Variants in AKT3 observed in about 807,000 individuals in gnomAD.
The protein encoded by AKT3 is AKT serine/threonine kinase 3, also known as RAC-gamma serine/threonine-protein kinase.
In AKT3, 15 loss-of-function variants were observed where a neutral mutation model predicts 65.3. That is an observed-to-expected ratio of 0.23 (90% CI 0.15 to 0.35). The LOEUF (loss-of-function observed/expected upper bound fraction) is 0.35. AKT3 is among the 10% of genes least tolerant of loss of function. AKT3 has a pLI of 1.00. For synonymous variants in AKT3, 206 were observed against 183.8 expected, an observed-to-expected ratio of 1.12 and a Z score of -0.98; for missense variants, 243 against 576.5, an observed-to-expected ratio of 0.42 and a Z score of 5.92.
intron 4 of AKT3, among the ~76,000 whole-genome samples, chr1:243,663,025 A>G (rs932339587): frequency 3.2e-4 from 49 of 152,206 alleles, no homozygotes; most frequent in Non-Finnish European, 1.3e-4. Context: ...TAAGAATAAC[A>G]TTTTCAAAGA....
intron 2 of AKT3, among the ~76,000 whole-genome samples, chr1:243,795,888 TG>T (rs1186790186): frequency 2.0e-5 from 3 of 152,162 alleles, no homozygotes; most frequent in Non-Finnish European, 2.9e-5. Flanking sequence ...GAGTTGGTAG[TG>T]AAGGGACTCA....
chr1:243,628,005 C>T (rs1316651962), intron 6 of AKT3, among the ~76,000 whole-genome samples: 1 of 152,194 alleles, frequency 6.6e-6, no homozygotes, highest in Non-Finnish European at 1.5e-5. Context: ...GCAACTCAGA[C>T]TGGAGCTTAT....
intron 2 of AKT3, among the ~76,000 whole-genome samples, chr1:243,813,261 T>C (rs1180539104): frequency 6.6e-6 from 1 of 152,064 alleles, no homozygotes; most frequent in Non-Finnish European, 1.5e-5. Context: ...TGCAGTATTC[T>C]CACCAAAAAA....
At chr1:243,849,256 A>T (rs1311650223) in intron 1 of AKT3, among the ~76,000 whole-genome samples, 2 of 152,218 alleles carry the variant, frequency 1.3e-5, no homozygotes, top group Non-Finnish European at 2.9e-5. Context: ...CAGCAGCGAC[A>T]GCATCACTGG....
rs1292068757 is a variant in AKT3 at position 243,492,996 on chromosome 1, C to G, written c.*7-4546G>C. Among the ~76,000 whole-genome samples the G allele has an allele frequency of 3.3e-5, 5 of 152,230 alleles. No individual in the cohort carries two copies. The South Asian group carries it at 1.0e-3, about 32-fold the overall frequency. On this transcript the variant is annotated intron_variant, in intron 13 of 13. Transcript: ENST00000336199. ...TTCGGAAACAACTTCAAGAAAATAG[C>G]TTTTAAATGTCATGAAATGGCTCTT...
intron 3 of AKT3, among the ~76,000 whole-genome samples, chr1:243,680,878 C>G (rs1256305600): frequency 2.6e-5 from 4 of 152,130 alleles, no homozygotes; most frequent in Non-Finnish European, 5.9e-5. Flanking sequence ...CAAAAGTTCT[C>G]AAATACATCT....
intron 2 of AKT3, among the ~76,000 whole-genome samples, chr1:243,701,665 C>CAAAAAAAAAAAAAAAA (rs74162707): frequency 8.0e-6 from 1 of 124,962 alleles, no homozygotes; most frequent in African/African-American, 3.0e-5. Flanking sequence ...AGAAAAAATG[C>CAAAAAAAAAAAAAAAA]AAAAAAAAAA....
At chr1:243,832,267 T>C (rs1210055328) in intron 2 of AKT3, among the ~76,000 whole-genome samples, 3 of 151,902 alleles carry the variant, frequency 2.0e-5, no homozygotes, top group African/African-American at 4.8e-5. Context: ...TTTAAACTAT[T>C]AGTTTCATAC....
At chr1:243,488,888 CAG>C in intron 13 of AKT3, 3 of 1,373,884 alleles carry the variant, frequency 2.2e-6, no homozygotes, top group Non-Finnish European at 3.1e-6. Flanking sequence ...CCTGGCACCT[CAG>C]GGTCACCCTA....
intron 13 of AKT3, among the ~76,000 whole-genome samples, chr1:243,511,126 A>C (rs1669985158): frequency 1.3e-5 from 2 of 152,258 alleles, no homozygotes; most frequent in Non-Finnish European, 2.9e-5. Flanking sequence ...GACCATGAGT[A>C]GCTCACTTCA....
At position 243,626,620 on chromosome 1, in the gene AKT3, TAGGTACAATAGA is replaced by T. The variant is rs376385921; in HGVS notation, c.561+10979_561+10990del. ...GGACTGAAGGCCATATGCACACCTG[TAGGTACAATAGA>T]AGGTAAAAAAGAAACCTTCCAGGGG... On this transcript the variant is annotated intron_variant, in intron 6 of 13. Transcript: ENST00000673466. Among the ~76,000 whole-genome samples the T allele has an allele frequency of 4.7e-3, 711 of 152,288 alleles. 6 individuals carry two copies. The highest frequency in any genetic ancestry group is 0.017 in the African/African-American group (686 of 41,556).
intron 5 of AKT3, among the ~76,000 whole-genome samples, chr1:243,638,684 T>TCTTG: frequency 6.6e-6 from 1 of 152,142 alleles, no homozygotes; most frequent in Non-Finnish European, 1.5e-5. Context: ...AAATATCAAA[T>TCTTG]AAGTATTTGG....
intron 7 of AKT3, among the ~76,000 whole-genome samples, chr1:243,614,526 C>T (rs1010726097): frequency 6.6e-6 from 1 of 152,068 alleles, no homozygotes; most frequent in African/African-American, 2.4e-5. Flanking sequence ...TGTAGGCATA[C>T]CATATAATCA....
At chr1:243,619,164 G>C (rs1461146352) in intron 6 of AKT3, among the ~76,000 whole-genome samples, 3 of 152,112 alleles carry the variant, frequency 2.0e-5, no homozygotes, top group Non-Finnish European at 4.4e-5. Context: ...GAGACCTAGA[G>C]GAAGACACGA....
intron 8 of AKT3, among the ~76,000 whole-genome samples, chr1:243,578,869 A>G (rs1675132039): frequency 6.6e-6 from 1 of 152,216 alleles, no homozygotes; most frequent in African/African-American, 2.4e-5. Context: ...ACCAATCTGC[A>G]AGGACATCAC....
chr1:243,754,084 C>T (rs946993579), intron 2 of AKT3, among the ~76,000 whole-genome samples: 44 of 152,250 alleles, frequency 2.9e-4, no homozygotes, highest in African/African-American at 9.4e-4. Context: ...TTATAGAGCA[C>T]GCTTTCACTC....
intron 2 of AKT3, among the ~76,000 whole-genome samples, chr1:243,711,396 C>T (rs536686952): frequency 1.7e-4 from 26 of 152,114 alleles, no homozygotes; most frequent in South Asian, 6.2e-4. Flanking sequence ...ACCATACATC[C>T]GAAATACTTT....
Position 243,683,625 on chromosome 1 carries a change from T to C in AKT3, c.172+11966A>G, listed in dbSNP as rs140716089. ...GCACCTATCAACAAGTAATAGTTGA[T>C]TGCTGACCTTCGAAAAAGTTGAGTG... On this transcript the variant is annotated intron_variant, in intron 3 of 13. Coordinates refer to ENST00000673466, the MANE Select transcript of AKT3 (RefSeq NM_005465.7). Among the ~76,000 whole-genome samples the C allele has an allele frequency of 8.8e-3, 1,333 of 152,146 alleles. 15 individuals are homozygous for C. The highest frequency in any genetic ancestry group is 0.03 in the African/African-American group (1,261 of 41,484).
At position 243,767,334 on chromosome 1, in the gene AKT3, G is replaced by T. The variant is rs192873184; in HGVS notation, c.47-71618C>A. On this transcript the variant is annotated intron_variant, in intron 2 of 13. Transcript: ENST00000673466. ...AGGCATAACAGAGTTAAGGCCATTG[G>T]TTATGATAAAAGGAGATAATCAGTG... 2.7e-4 allele frequency among the ~76,000 whole-genome samples: 41 copies of T among 152,168 alleles called. No individual in the cohort carries two copies. The East Asian group carries it at 7.3e-3, about 27-fold the overall frequency.
Sources: gnomAD v4.1 joint callset for allele counts (sites outside exome capture counted in the v4.1 genomes callset) on GRCh38, gnomAD v4.1.1 for gene constraint, MANE v1.5 for transcripts, NCBI Gene and HGNC (gene_info 2026-07-23, HGNC 2026-07-21) for gene names.